The following AGBL4 variants were observed in gnomAD, a reference collection of about 807,000 sequenced individuals.
AGBL4 encodes cytosolic carboxypeptidase 6.
Under a neutral mutation model 66.4 loss-of-function variants are expected in AGBL4, and 58 were observed. That is an observed-to-expected ratio of 0.87 (90% confidence interval 0.71 to 1.09). The LOEUF (loss-of-function observed/expected upper bound fraction) is 1.09. Among genes scored for constraint, AGBL4 ranks in the 50% least tolerant of loss-of-function variants. The pLI is 0.00. For synonymous variants in AGBL4, 234 were observed against 222.9 expected (o/e 1.05, Z -0.44); for missense variants, 579 against 631.0 (o/e 0.92, Z 0.88).
chr1:49,791,696 A>G (rs1438260818), intron 2 of AGBL4, among the ~76,000 whole-genome samples: 1 of 152,076 alleles, frequency 6.6e-6, no homozygotes, highest in Non-Finnish European at 1.5e-5. Context: ...CTTCTCACAG[A>G]TCCCTACTAT....
In AGBL4 at chr1:49,555,037, G is replaced by A. The variant is rs576076379; in HGVS notation, c.282+142276C>T. ...AGAGCAAAAGAACAAAGCTTCCACAGGAAGAAGGGGAACCGAGTGGGTTGC... is the reference window on the plus strand; with the variant it reads ...AGAGCAAAAGAACAAAGCTTCCACAAGAAGAAGGGGAACCGAGTGGGTTGC... On this transcript the variant is annotated intron_variant, in intron 3 of 13. Transcript: ENST00000371839. Among the ~76,000 whole-genome samples, 116 of 152,298 alleles carry A rather than the reference G, an allele frequency of 7.6e-4. 1 individual carries two copies. The highest frequency in any genetic ancestry group is 2.7e-3 in the African/African-American group (111 of 41,568).
intron 6 of AGBL4, among the ~76,000 whole-genome samples, chr1:48,667,962 C>T (rs938496966): frequency 1.3e-5 from 2 of 152,094 alleles, no homozygotes; most frequent in East Asian, 1.9e-4. Flanking sequence ...GAAGGAAATG[C>T]TACTGGGAGG....
intron 4 of AGBL4, among the ~76,000 whole-genome samples, chr1:49,236,704 G>A (rs959539776): frequency 4.6e-5 from 7 of 151,956 alleles, no homozygotes; most frequent in Non-Finnish European, 1.0e-4. Context: ...CAATATGTGT[G>A]TATAGTTCTA....
intron 3 of AGBL4, among the ~76,000 whole-genome samples, chr1:49,514,876 A>C (rs1570926090): frequency 2.0e-5 from 3 of 151,912 alleles, no homozygotes; most frequent in African/African-American, 7.2e-5. Context: ...CACCTTATAC[A>C]AAAATTAATT....
intron 11 of AGBL4, among the ~76,000 whole-genome samples, chr1:48,571,547 T>G (rs1644564019): frequency 6.6e-6 from 1 of 152,238 alleles, no homozygotes; most frequent in Non-Finnish European, 1.5e-5. Flanking sequence ...CATGTTGGCA[T>G]CTGCTGAAGG....
At chr1:49,233,813 T>C (rs1650511635) in intron 4 of AGBL4, among the ~76,000 whole-genome samples, 1 of 152,210 alleles carries the variant, frequency 6.6e-6, no homozygotes, top group South Asian at 2.1e-4. Context: ...ACCAGTTAAC[T>C]ACCAAAATCC....
intron 4 of AGBL4, among the ~76,000 whole-genome samples, chr1:49,210,038 G>A (rs887443281): frequency 3.3e-5 from 5 of 152,020 alleles, no homozygotes; most frequent in African/African-American, 9.7e-5. Flanking sequence ...AGTGTAAGAC[G>A]GGGAGAGATT....
chr1:49,644,784 A>G (rs1439412743), intron 3 of AGBL4, among the ~76,000 whole-genome samples: 9 of 151,584 alleles, frequency 5.9e-5, no homozygotes, highest in Admixed American at 5.9e-4. Context: ...TGACATTTAT[A>G]GAGCACTTGA....
chr1:49,563,784 T>C (rs1415336995), intron 3 of AGBL4, among the ~76,000 whole-genome samples: 2 of 152,126 alleles, frequency 1.3e-5, no homozygotes, highest in Non-Finnish European at 2.9e-5. Flanking sequence ...TTTTGTTGTG[T>C]CTTTGCCCGG....
At chr1:48,898,473 T>A (rs1651753911) in intron 5 of AGBL4, among the ~76,000 whole-genome samples, 2 of 152,218 alleles carry the variant, frequency 1.3e-5, no homozygotes, top group Non-Finnish European at 2.9e-5. Context: ...TTGATTTGAT[T>A]TTTGTGTATG....
At chr1:49,556,763 AGGTCCGTCGG>A (rs1409238795) in intron 3 of AGBL4, among the ~76,000 whole-genome samples, 2 of 151,844 alleles carry the variant, frequency 1.3e-5, no homozygotes, top group Admixed American at 6.6e-5. Context: ...GCAGGGGGCG[AGGTCCGTCGG>A]GAAGGCTCGT....
chr1:49,147,836 G>A (rs767638917), intron 4 of AGBL4, among the ~76,000 whole-genome samples: 1 of 152,038 alleles, frequency 6.6e-6, no homozygotes, highest in Non-Finnish European at 1.5e-5. Flanking sequence ...GAAGGAGAGG[G>A]GGGGTGACAA....
chr1:49,736,684 A>C (rs1048278974), intron 2 of AGBL4, among the ~76,000 whole-genome samples: 35 of 152,166 alleles, frequency 2.3e-4, no homozygotes, highest in African/African-American at 8.0e-4. Flanking sequence ...AATTAAACTA[A>C]AGAGTTTCTG....
intron 3 of AGBL4, among the ~76,000 whole-genome samples, chr1:49,315,125 C>G (rs552976562): frequency 6.5e-4 from 99 of 152,204 alleles, no homozygotes; most frequent in Non-Finnish European, 1.0e-3. Flanking sequence ...ACAAACCTGA[C>G]AAAAACAAGC....
intron 4 of AGBL4, among the ~76,000 whole-genome samples, chr1:49,071,398 T>C (rs1235606317): frequency 6.6e-6 from 1 of 152,046 alleles, no homozygotes; most frequent in Non-Finnish European, 1.5e-5. Context: ...TAAATTTCCC[T>C]CTACACATTG....
chr1:49,717,054 A>C (rs1648203051), intron 2 of AGBL4, among the ~76,000 whole-genome samples: 1 of 152,126 alleles, frequency 6.6e-6, no homozygotes, highest in Non-Finnish European at 1.5e-5. Context: ...AAATCTCCTT[A>C]AGCTGATAAG....
chr1:49,253,287 A>G (rs963572455), intron 3 of AGBL4, among the ~76,000 whole-genome samples: 29 of 152,220 alleles, frequency 1.9e-4, no homozygotes, highest in Admixed American at 1.9e-3. Flanking sequence ...CTTTAAACCA[A>G]CAAAGCCCAA....
intron 3 of AGBL4, among the ~76,000 whole-genome samples, chr1:49,506,047 T>TC (rs1479548112): frequency 6.6e-6 from 1 of 152,038 alleles, no homozygotes; most frequent in African/African-American, 2.4e-5. Flanking sequence ...GATCCTCATT[T>TC]CCTTATCTAA....
intron 3 of AGBL4, among the ~76,000 whole-genome samples, chr1:49,677,415 T>G: frequency 1.3e-5 from 2 of 152,124 alleles, no homozygotes; most frequent in Non-Finnish European, 2.9e-5. Context: ...GATTTATGAA[T>G]ACTGAACCAG....
Sources: allele counts gnomAD v4.1 joint callset (sites outside exome capture counted in the v4.1 genomes callset), GRCh38; gene constraint gnomAD v4.1.1; transcripts MANE v1.5; gene names NCBI Gene and HGNC (gene_info 2026-07-23, HGNC 2026-07-21).